SGTA: variants seen among roughly 807,000 people sequenced by gnomAD.
SGTA encodes the protein small glutamine-rich tetratricopeptide repeat-containing protein alpha.
SGTA carries 22 observed loss-of-function variants against 44.3 expected under a neutral mutation model. The observed-to-expected ratio is 0.50, with a 90% CI of 0.36 to 0.71. The LOEUF (loss-of-function observed/expected upper bound fraction) is 0.71, where lower values mean the gene tolerates loss of function less well. SGTA is among the 30% of genes least tolerant of loss of function. The probability of loss-of-function intolerance (pLI) is 0.00; values close to 1 mark genes in which losing one functional copy is unlikely to be tolerated. For synonymous variants in SGTA, 174 were observed against 177.6 expected (o/e 0.98, Z 0.16); for missense variants, 341 against 435.9 (o/e 0.78, Z 1.94).
At chr19:2,766,422 T>A (rs1180626897) in intron 4 of SGTA, among the ~76,000 whole-genome samples, 2 of 151,682 alleles carry the variant, frequency 1.3e-5, no homozygotes, top group African/African-American at 4.8e-5. Flanking sequence ...CTTTTTATTG[T>A]TTTATTTTTT....
chr19:2,757,663 C>A, intron 10 of SGTA, 30 bp downstream of exon 10: 1 of 1,519,668 alleles, frequency 6.6e-7, no homozygotes, highest in Non-Finnish European at 8.8e-7. Flanking sequence ...CGCCCACGTC[C>A]TCCGTCCTCT....
rs757053984 is a variant in SGTA at position 2,767,697 on chromosome 19, G to T, written c.101-11C>A. On this transcript the variant is annotated splice_polypyrimidine_tract_variant and intron_variant, in intron 2 of 11. Transcript: ENST00000221566. The surrounding 1 kb of genome is among the most constrained non-coding windows in gnomAD (Gnocchi z 7.3). ...GGCACTGGATGGCGACTGAAGCGGG[G>T]ACAGAGGCGGTCCCATTCATTGCAC... 99 of 1,606,108 alleles carry T rather than the reference G, an allele frequency of 6.2e-5. No individual in the cohort carries two copies. Among genetic ancestry groups the T allele is most frequent in the Non-Finnish European group, 7.9e-5 (93 of 1,173,378 alleles).
At position 2,755,074 on chromosome 19, in the gene SGTA, G is replaced by C. The variant is rs530398674; in HGVS notation, c.*866C>G. On this transcript the variant is annotated 3_prime_UTR_variant, in exon 12 of 12. Coordinates refer to ENST00000221566, the MANE Select transcript of SGTA (RefSeq NM_003021.4). This position sits in a 1 kb window ranked among gnomAD's most constrained non-coding sequence, Gnocchi z 5.2. ...CCCGTGGCCTCCACCCAGCACAGGA[G>C]GGGTAAGCTTCCCTGGGGGGCCCCG... 1 of 152,482 alleles carries C rather than the reference G, an allele frequency of 6.6e-6. No individual in the cohort carries two copies. Among genetic ancestry groups the C allele is most frequent in the Non-Finnish European group, 1.5e-5 (1 of 68,154 alleles). The allele number at this position is 152,482 out of a possible 1,614,324, so 9.4% of individuals were successfully genotyped here.
chr19:2,782,650 A>C (rs1027147826), intron 1 of SGTA: 1 of 152,212 alleles, frequency 6.6e-6, no homozygotes, highest in Non-Finnish European at 1.5e-5. Context: ...CGATATGCAG[A>C]AGAAGACTCT....
At chr19:2,774,236 C>T (rs1388796453) in intron 1 of SGTA, among the ~76,000 whole-genome samples, 3 of 152,216 alleles carry the variant, frequency 2.0e-5, no homozygotes, top group African/African-American at 4.8e-5. Flanking sequence ...ACAAGCGGGT[C>T]GGCCCTGTCT....
At chr19:2,760,591 C>T (rs1469729675) in intron 8 of SGTA, among the ~76,000 whole-genome samples, 2 of 150,940 alleles carry the variant, frequency 1.3e-5, no homozygotes, top group Non-Finnish European at 2.9e-5. Context: ...ATTCTGCCAA[C>T]CCCAGATGTC....
chr19:2,764,358 A>G (rs1206711633), intron 5 of SGTA, among the ~76,000 whole-genome samples: 2 of 152,170 alleles, frequency 1.3e-5, no homozygotes, highest in African/African-American at 2.4e-5. Flanking sequence ...CTTGACATCC[A>G]CGTGGAATGC....
intron 11 of SGTA, 98 bp downstream of exon 11, chr19:2,757,239 C>A (rs1914844720): frequency 1.4e-6 from 2 of 1,419,056 alleles, no homozygotes; most frequent in Admixed American, 4.1e-5. Flanking sequence ...GGCTCCACAG[C>A]CCCCGGGCGT....
intron 10 of SGTA, 111 bp from the exon 11 acceptor site, chr19:2,757,568 T>G: frequency 6.7e-7 from 1 of 1,489,090 alleles, no homozygotes; most frequent in South Asian, 1.3e-5. Flanking sequence ...GCCTGACCCC[T>G]CGCTGGAGGA....
rs971501404 is a variant in SGTA at position 2,774,159 on chromosome 19, G to A, written c.-23-5068C>T. On this transcript the variant is annotated intron_variant, in intron 1 of 11. Coordinates refer to ENST00000221566, the MANE Select transcript of SGTA (RefSeq NM_003021.4). ...ATGGCACTCTGTCACCGCGGCCCCA[G>A]CAAACCGACACTAACACCTGGCAAG... Among the ~76,000 whole-genome samples, 21 of 152,210 alleles carry A rather than the reference G, an allele frequency of 1.4e-4. 1 individual carries two copies. Among genetic ancestry groups the A allele is most frequent in the Admixed American group, 6.5e-4 (10 of 15,286 alleles).
rs1300155118 is a variant in SGTA at position 2,765,335 on chromosome 19, G to A, written c.293-50C>T. ...GCCCGGTGTCCACACAGACCGGAGG[G>A]GGTGTCAGGGAGAGAGGAAAACACC... On this transcript the variant is annotated intron_variant, in intron 4 of 11. Transcript: ENST00000221566. This position sits in a 1 kb window ranked among gnomAD's most constrained non-coding sequence, Gnocchi z 5.5. 7.3e-7 allele frequency: 1 copy of A among 1,373,828 alleles called. No homozygotes were observed. Among genetic ancestry groups the A allele is most frequent in the South Asian group, 1.2e-5 (1 of 83,554 alleles). The allele number at this position is 1,373,828 out of a possible 1,614,324, so 85.1% of individuals were successfully genotyped here. A position where few individuals can be genotyped will look rare whatever the true frequency, so the allele number is the denominator to read the frequency against.
chr19:2,761,652 T>C lies in SGTA; in HGVS notation c.637-130A>G. 1.3e-6 allele frequency: 1 copy of C among 755,600 alleles called. No individual in the cohort carries two copies. The highest frequency in any genetic ancestry group is 2.2e-6 in the Non-Finnish European group (1 of 449,258). The allele number at this position is 755,600 out of a possible 1,614,324, so 46.8% of individuals were successfully genotyped here. On this transcript the variant is annotated intron_variant, in intron 7 of 11. Transcript: ENST00000221566. This position sits in a 1 kb window ranked among gnomAD's most constrained non-coding sequence, Gnocchi z 5.7. ...TATCAACCCTGCGGCCAGAGGGTGC[T>C]TTGAGGCAGGCAGCACGAAGCACAT...
rs1914923310 is a variant in SGTA, at chr19:2,759,455, T to C, written c.700-161A>G. 4.7e-6 allele frequency: 3 copies of C among 645,096 alleles called. No individual in the cohort carries two copies. The Admixed American group carries it at 8.3e-5, about 18-fold the overall frequency. 40.0% of individuals were successfully genotyped at this position (645,096 alleles called of 1,614,324 possible). A position where few individuals can be genotyped will look rare whatever the true frequency, so the allele number is the denominator to read the frequency against. ...TCTTTCATACCCTTTTCCCTACATTTTCGCCCCCCCACCCACGAGCTGTGA... is the reference window on the plus strand; with the variant it reads ...TCTTTCATACCCTTTTCCCTACATTCTCGCCCCCCCACCCACGAGCTGTGA... On this transcript the variant is annotated intron_variant, in intron 8 of 11. Coordinates refer to ENST00000221566, the MANE Select transcript of SGTA (RefSeq NM_003021.4).
rs138286758 is a variant in SGTA, at chr19:2,757,348, C to A, written c.937G>T (p.Glu313Ter). Residue 313 changes from glutamate (E) to a stop codon, truncating the protein, a stop_gained, in exon 11 of 12, where the codon GAG (glutamate) becomes TAG (stop). Transcript: ENST00000221566. LOFTEE classifies it high-confidence loss of function. ...CCCCATGCACTCACGCAGCGTCACTCCTGCTGGTCGTCGTTGCTGGCGCTG... is the reference window on the plus strand; with the variant it reads ...CCCCATGCACTCACGCAGCGTCACTACTGCTGGTCGTCGTTGCTGGCGCTG... ...TPSASNDDQQ[E>*] is the part of the protein sequence containing the mutation. 6 of 1,602,174 alleles carry A rather than the reference C, an allele frequency of 3.7e-6. No homozygotes were observed. In the African/African-American group the frequency reaches 8.0e-5, roughly 21 times the overall value.
intron 1 of SGTA, among the ~76,000 whole-genome samples, chr19:2,776,173 C>A (rs1211590968): frequency 6.6e-6 from 1 of 152,184 alleles, no homozygotes; most frequent in African/African-American, 2.4e-5. Flanking sequence ...TCTCCTGACC[C>A]CCAAGCCCAA....
Position 2,773,808 on chromosome 19 carries a change from C to G in SGTA, c.-23-4717G>C, listed in dbSNP as rs1461184184. The stretch of plus-strand genomic sequence containing the variant: ...GGCAGAGGTGGGTGACGCGGCCACA[C>G]GGCAGGGACACCGAGGGCAGAGGTG... On this transcript the variant is annotated intron_variant, in intron 1 of 11. Transcript: ENST00000221566. Among the ~76,000 whole-genome samples the G allele has an allele frequency of 3.7e-3, 247 of 67,360 alleles. 5 individuals are homozygous for G. Among genetic ancestry groups the G allele is most frequent in the Admixed American group, 0.028 (197 of 6,928 alleles). 44.2% of individuals were successfully genotyped at this position (67,360 alleles called of 152,430 possible). A position where few individuals can be genotyped will look rare whatever the true frequency, so the allele number is the denominator to read the frequency against.
chr19:2,759,191 G>T, intron 9 of SGTA, 66 bp downstream of exon 9: 2 of 1,453,828 alleles, frequency 1.4e-6, no homozygotes, highest in South Asian at 1.2e-5. Context: ...TATGTTAAGT[G>T]AATTTACCCA....
At chr19:2,772,113 A>G (rs117214203) in intron 1 of SGTA, among the ~76,000 whole-genome samples, 1 of 152,358 alleles carries the variant, frequency 6.6e-6, no homozygotes, top group East Asian at 1.9e-4. Flanking sequence ...CTGTGTGCCA[A>G]GACGCATGAG....
At chr19:2,770,204 G>C (rs1326325174) in intron 1 of SGTA, 1 of 165,720 alleles carries the variant, frequency 6.0e-6, no homozygotes. Context: ...CTTGACAGCT[G>C]CTTCTGCTCA....
Sources: gnomAD v4.1 joint callset for allele counts (sites outside exome capture counted in the v4.1 genomes callset) on GRCh38, gnomAD v4.1.1 for gene constraint, Gnocchi (gnomAD v3.1) non-coding constraint, MANE v1.5 for transcripts, NCBI Gene and HGNC (gene_info 2026-07-23, HGNC 2026-07-21) for gene names.